The following CDC42BPB variants were observed in gnomAD, a reference collection of about 807,000 sequenced individuals.
CDC42BPB encodes serine/threonine-protein kinase MRCK beta.
CDC42BPB carries 37 observed loss-of-function variants against 214.9 expected under a neutral mutation model. The ratio of observed to expected loss-of-function variants is 0.17; its 90% CI spans 0.13 to 0.23. The LOEUF (loss-of-function observed/expected upper bound fraction) is 0.23. Ranked by LOEUF, CDC42BPB falls within the 10% of genes least tolerant of loss-of-function variation. The pLI, the probability that CDC42BPB is intolerant of heterozygous loss-of-function variation, is 1.00. For missense variants in CDC42BPB, 1,694 were observed against 2,227.0 expected, an observed-to-expected ratio of 0.76 and a Z score of 4.82; for synonymous variants, 931 against 884.0, an observed-to-expected ratio of 1.05 and a Z score of -0.94.
intron 1 of CDC42BPB, among the ~76,000 whole-genome samples, chr14:103,024,320 C>T (rs2139682097): frequency 6.6e-6 from 1 of 152,294 alleles, no homozygotes; most frequent in East Asian, 1.9e-4. Context: ...GCTCTCTAAC[C>T]CTTGAGACTG....
In CDC42BPB at chr14:102,939,922, G is replaced by C; in HGVS notation, c.4617C>G (p.Thr1539=). 1 of 1,613,990 alleles carries C rather than the reference G, an allele frequency of 6.2e-7. No homozygotes were observed. The highest frequency in any genetic ancestry group is 8.5e-7 in the Non-Finnish European group (1 of 1,180,048). ...FSGAVLNVPD[T]SDNSKKQMLR... ...GCATCTGCTTCTTGCTGTTGTCGGA[G>C]GTGTCCGGCACGTTGAGAACCGCTC... The change falls in exon 33 of 37, where the codon ACC becomes ACG. Residue 1539 remains threonine (T), a synonymous_variant. Transcript: ENST00000361246.
intron 5 of CDC42BPB, among the ~76,000 whole-genome samples, chr14:102,994,795 C>T (rs973938022): frequency 6.6e-6 from 1 of 152,182 alleles, no homozygotes; most frequent in African/African-American, 2.4e-5. Flanking sequence ...TGTCCCTCAC[C>T]GTACCATTTC....
chr14:102,951,755 C>T (rs149443847), intron 24 of CDC42BPB, among the ~76,000 whole-genome samples: 33 of 152,188 alleles, frequency 2.2e-4, no homozygotes, highest in Non-Finnish European at 1.3e-4. Context: ...CCACTGCACT[C>T]TAGCCTGGGC....
intron 36 of CDC42BPB, among the ~76,000 whole-genome samples, chr14:102,934,941 C>T (rs1011688608): frequency 2.0e-5 from 3 of 148,976 alleles, no homozygotes; most frequent in South Asian, 2.1e-4. Flanking sequence ...ACCCAGGAGG[C>T]GGAGCTTGCA....
rs750780302 is a variant in CDC42BPB, at chr14:102,954,708, A to G, written c.2902-20T>C. On this transcript the variant is annotated intron_variant, in intron 21 of 36. Coordinates refer to ENST00000361246, the MANE Select transcript of CDC42BPB (RefSeq NM_006035.4). Reference sequence around the variant, plus strand: ...GCTGGTCTGTGAGAACCAAGAAAGAAAGAGTGGGGTGAAAGGACATATTCT... The same window carrying G: ...GCTGGTCTGTGAGAACCAAGAAAGAGAGAGTGGGGTGAAAGGACATATTCT... 1.2e-6 allele frequency: 2 copies of G among 1,608,812 alleles called. No homozygotes were observed. Among genetic ancestry groups the G allele is most frequent in the East Asian group, 4.5e-5 (2 of 44,840 alleles).
intron 8 of CDC42BPB, among the ~76,000 whole-genome samples, chr14:102,978,917 G>C (rs1893877318): frequency 6.6e-6 from 1 of 152,164 alleles, no homozygotes; most frequent in South Asian, 2.1e-4. Flanking sequence ...CGAGGCACGA[G>C]ACTTGATTGA....
At chr14:103,018,125 CACAATAGGG>C (rs1444866141) in intron 1 of CDC42BPB, among the ~76,000 whole-genome samples, 2 of 152,174 alleles carry the variant, frequency 1.3e-5, no homozygotes, top group Non-Finnish European at 2.9e-5. Flanking sequence ...ATACACAGTT[CACAATAGGG>C]TTCGTGCTCC....
At chr14:102,981,142 C>T in intron 7 of CDC42BPB, 121 bp from the exon 8 acceptor site, 1 of 1,495,570 alleles carries the variant, frequency 6.7e-7, no homozygotes, top group African/African-American at 1.4e-5. Context: ...TTCATGGGAA[C>T]TAAATGCAAT....
intron 22 of CDC42BPB, 38 bp downstream of exon 22, chr14:102,954,563 AC>A (rs1319984823): frequency 6.4e-7 from 1 of 1,561,472 alleles, no homozygotes; most frequent in Admixed American, 1.7e-5. Flanking sequence ...ACGAGGGCAG[AC>A]CCCAGGTGGG....
chr14:103,007,753 AC>A (rs1324999072), intron 3 of CDC42BPB, among the ~76,000 whole-genome samples: 6 of 151,830 alleles, frequency 4.0e-5, no homozygotes, highest in Admixed American at 3.3e-4. Context: ...GGCGGGAGTC[AC>A]GGGAGAGGAT....
chr14:102,953,130 G>C (rs1214757745), intron 23 of CDC42BPB, among the ~76,000 whole-genome samples: 1 of 152,278 alleles, frequency 6.6e-6, no homozygotes, highest in African/African-American at 2.4e-5. Flanking sequence ...CCCCAAGGCT[G>C]AACAGAGGGT....
chr14:103,038,394 C>A (rs142164985), intron 1 of CDC42BPB, among the ~76,000 whole-genome samples: 2 of 151,550 alleles, frequency 1.3e-5, no homozygotes, highest in Admixed American at 6.6e-5. Flanking sequence ...AGCCCCAAAG[C>A]GGGCAACCCA....
In CDC42BPB at chr14:102,944,012, A is replaced by G. The variant is rs1892025021; in HGVS notation, c.4287T>C (p.Ala1429=). ...LSQQSFDALC[A]VELESEEYLL... is the part of the protein sequence containing the mutation. ...GGTACTCCTCGCTTTCGAGCTCCAC[A>G]GCACAAAGGGCATCAAAAGACTGTT... The change falls in exon 30 of 37, where the codon GCT becomes GCC. Residue 1429 remains alanine, a synonymous_variant. Transcript: ENST00000361246. This position sits in a 1 kb window ranked among gnomAD's most constrained non-coding sequence, Gnocchi z 6.6. The G allele has an allele frequency of 1.2e-6, 2 of 1,613,332 alleles. No individual in the cohort carries two copies. Among genetic ancestry groups the G allele is most frequent in the East Asian group, 2.2e-5 (1 of 44,892 alleles).
At position 102,967,138 on chromosome 14, in the gene CDC42BPB, T is replaced by C. The variant is rs1893245971; in HGVS notation, c.2379A>G (p.Gln793=). The change falls in exon 17 of 37, where the codon CAA becomes CAG. Residue 793 remains glutamine (Q), a synonymous_variant. Transcript: ENST00000361246. ...GCAGCTCATCCTCCAGCTGTCTATTTTGAGCTGTGAGTTTATCCACAAAGG... is the reference window on the plus strand; with the variant it reads ...GCAGCTCATCCTCCAGCTGTCTATTCTGAGCTGTGAGTTTATCCACAAAGG... The part of the protein sequence containing the change: ...LCSFVDKLTA[Q]NRQLEDELQD... 2.5e-6 allele frequency: 4 copies of C among 1,614,080 alleles called. No homozygotes were observed. Among genetic ancestry groups the C allele is most frequent in the Non-Finnish European group, 3.4e-6 (4 of 1,180,010 alleles).
chr14:102,946,711 A>G, intron 27 of CDC42BPB, 27 bp from the exon 28 acceptor site: 1 of 1,610,288 alleles, frequency 6.2e-7, no homozygotes, highest in South Asian at 1.1e-5. Context: ...AGAAGAGAAG[A>G]GAGAAGTCAT....
intron 13 of CDC42BPB, among the ~76,000 whole-genome samples, chr14:102,971,443 G>A (rs1366660825): frequency 1.3e-5 from 2 of 152,200 alleles, no homozygotes; most frequent in African/African-American, 4.8e-5. Context: ...AGACACTTCA[G>A]AAGCACTCAC....
intron 18 of CDC42BPB, 103 bp downstream of exon 18, chr14:102,966,179 G>C (rs1893193196): frequency 1.1e-5 from 9 of 818,366 alleles, no homozygotes; most frequent in Middle Eastern, 2.3e-4. Flanking sequence ...GAAGTCTCTT[G>C]CATCACTGTA....
At chr14:102,973,156 C>G (rs1421055917) in intron 12 of CDC42BPB, among the ~76,000 whole-genome samples, 2 of 152,168 alleles carry the variant, frequency 1.3e-5, no homozygotes, top group African/African-American at 4.8e-5. Flanking sequence ...GAAGGGGAGG[C>G]CTCCCCAGGC....
At chr14:102,948,050 G>A (rs1254078615) in intron 26 of CDC42BPB, 3 of 805,258 alleles carry the variant, frequency 3.7e-6, no homozygotes, top group Non-Finnish European at 4.5e-6. Flanking sequence ...CTGTGCTGGT[G>A]CCTCCAGACT....
Sources: gnomAD v4.1 joint callset for allele counts (sites outside exome capture counted in the v4.1 genomes callset) on GRCh38, gnomAD v4.1.1 for gene constraint, Gnocchi (gnomAD v3.1) non-coding constraint, MANE v1.5 for transcripts, NCBI Gene and HGNC (gene_info 2026-07-23, HGNC 2026-07-21) for gene names.